The following TBC1D1 variants were observed in gnomAD, a reference collection of about 807,000 sequenced individuals.
TBC1D1 encodes TBC1 (tre-2/USP6, BUB2, cdc16) domain family, member 1.
Under a neutral mutation model 125.6 loss-of-function variants are expected in TBC1D1, and 89 were observed. The observed-to-expected ratio is 0.71, with a 90% confidence interval of 0.60 to 0.85. The LOEUF is 0.85. TBC1D1 is among the 40% of genes least tolerant of loss of function. The pLI is 0.00. For synonymous variants in TBC1D1, 565 were observed against 564.1 expected (o/e 1.00, Z -0.02); for missense variants, 1,377 against 1,469.2 (o/e 0.94, Z 1.03).
intron 15 of TBC1D1, among the ~76,000 whole-genome samples, chr4:38,103,527 G>T (rs1291150617): frequency 6.6e-6 from 1 of 152,160 alleles, no homozygotes; most frequent in African/African-American, 2.4e-5. Context: ...TTAATTACAG[G>T]AGCCACTCCC....
chr4:38,027,948 T>TA, intron 7 of TBC1D1, 69 bp downstream of exon 7: 1 of 1,223,018 alleles, frequency 8.2e-7, no homozygotes, highest in Non-Finnish European at 1.2e-6. Context: ...ATGCTATGTG[T>TA]AAAAAATAGC....
chr4:38,124,225 T>C (rs1047183255), intron 17 of TBC1D1, among the ~76,000 whole-genome samples: 1 of 152,224 alleles, frequency 6.6e-6, no homozygotes, highest in Non-Finnish European at 1.5e-5. Context: ...GACTCTTTTT[T>C]TCCCCAGCAG....
At chr4:37,919,387 T>A (rs538847252) in intron 2 of TBC1D1, among the ~76,000 whole-genome samples, 1 of 151,406 alleles carries the variant, frequency 6.6e-6, no homozygotes, top group East Asian at 1.9e-4. Flanking sequence ...GGTTTCACTG[T>A]GTTGGGTAGG....
Position 38,044,461 on chromosome 4 carries a change from A to G in TBC1D1, c.1513A>G (p.Thr505Ala), listed in dbSNP as rs1749021524. The G allele has an allele frequency of 6.2e-7, 1 of 1,612,904 alleles. No homozygotes were observed. The highest frequency in any genetic ancestry group is 8.5e-7 in the Non-Finnish European group (1 of 1,179,796). ...GAAAAACAAAGCAAAGAGATCTTTA[A>G]CAGAGTCTTTAGAAAGTATTTTGTC... The change falls in exon 9 of 20, where the codon ACA becomes GCA. Residue 505 changes from threonine to alanine, a missense_variant. Thr to Ala is a moderately conservative substitution (Grantham distance 58). Around this residue, in one of 3 missense-constraint regions of TBC1D1, gnomAD observed 822 missense variants for 824.6 expected, o/e 1.00. Transcript: ENST00000261439.
Position 38,088,540 on chromosome 4 carries a change from A to C in TBC1D1, c.2051-1392A>C, listed in dbSNP as rs150049950. Among the ~76,000 whole-genome samples, 34 of 152,346 alleles carry C rather than the reference A, an allele frequency of 2.2e-4. No homozygotes were observed. The East Asian group carries it at 6.4e-3, about 28-fold the overall frequency. ...GTGGTGACCAAAACCCTTGTCAACA[A>C]GGCAGCAAGGTTCTAACCTGGTTAG... On this transcript the variant is annotated intron_variant, in intron 12 of 19. Transcript: ENST00000261439.
intron 2 of TBC1D1, among the ~76,000 whole-genome samples, chr4:37,954,590 C>T (rs1728533419): frequency 6.6e-6 from 1 of 152,056 alleles, no homozygotes; most frequent in South Asian, 2.1e-4. Context: ...TCTTGGAAGT[C>T]ATGTCAAGAA....
At chr4:38,061,289 A>C (rs540078252) in intron 12 of TBC1D1, among the ~76,000 whole-genome samples, 1 of 152,226 alleles carries the variant, frequency 6.6e-6, no homozygotes, top group South Asian at 2.1e-4. Flanking sequence ...TGTCAAGCCT[A>C]CAAAAAAAAA....
chr4:38,096,187 C>T, intron 14 of TBC1D1, 97 bp downstream of exon 16: 1 of 958,040 alleles, frequency 1.0e-6, no homozygotes, highest in Admixed American at 2.3e-5. Flanking sequence ...ATTTTAGTGG[C>T]CATCTCCCTT....
At position 37,900,790 on chromosome 4, in the gene TBC1D1, G is replaced by C. The variant is rs146447251; in HGVS notation, c.-93-1213G>C. On this transcript the variant is annotated intron_variant, in intron 1 of 19. Coordinates refer to ENST00000261439, the MANE Select transcript of TBC1D1 (RefSeq NM_015173.4). Reference sequence around the variant, plus strand: ...AACGTGGTTGTTGAAAACAGAAAAGGGCTGGGCACTGTGGCTCATGCCTAT... The same window carrying C: ...AACGTGGTTGTTGAAAACAGAAAAGCGCTGGGCACTGTGGCTCATGCCTAT... Among the ~76,000 whole-genome samples the C allele has an allele frequency of 4.7e-3, 709 of 152,296 alleles. 1 individual carries two copies. The highest frequency in any genetic ancestry group is 0.016 in the African/African-American group (666 of 41,564).
At chr4:38,017,425 T>C (rs770211000) in intron 3 of TBC1D1, among the ~76,000 whole-genome samples, 3 of 152,232 alleles carry the variant, frequency 2.0e-5, no homozygotes, top group Non-Finnish European at 4.4e-5. Context: ...CCTGCCACTC[T>C]CTGCTGGCTG....
chr4:38,060,798 A>G, intron 12 of TBC1D1: 1 of 449,094 alleles, frequency 2.2e-6, no homozygotes, highest in Non-Finnish European at 3.8e-6. Flanking sequence ...TCTTGTTAAA[A>G]GGCAGACTCT....
chr4:38,122,736 T>C (rs1195402861), intron 17 of TBC1D1, among the ~76,000 whole-genome samples: 1 of 152,206 alleles, frequency 6.6e-6, no homozygotes, highest in African/African-American at 2.4e-5. Context: ...TAAGTTAAAG[T>C]AGAAGACACC....
At chr4:37,905,350 G>C (rs1717088918) in intron 2 of TBC1D1, among the ~76,000 whole-genome samples, 2 of 152,138 alleles carry the variant, frequency 1.3e-5, no homozygotes, top group South Asian at 4.2e-4. Context: ...AAGAACTGAG[G>C]GTCCTGGGAA....
At chr4:38,040,252 G>A (rs1748088379) in intron 8 of TBC1D1, among the ~76,000 whole-genome samples, 1 of 152,078 alleles carries the variant, frequency 6.6e-6, no homozygotes, top group Admixed American at 6.6e-5. Context: ...AACTGATGCT[G>A]CTTGCTTTAG....
chr4:38,052,188 T>C (rs868713243), intron 11 of TBC1D1, 128 bp downstream of exon 12: 28 of 603,346 alleles, frequency 4.6e-5, no homozygotes, highest in Non-Finnish European at 6.1e-5. Flanking sequence ...TGTGTGTGTG[T>C]GTGTGTGCGC....
chr4:37,960,657 G>A, intron 2 of TBC1D1: 1 of 1,614,210 alleles, frequency 6.2e-7, no homozygotes, highest in Non-Finnish European at 8.5e-7. Flanking sequence ...AGAAAAGTCA[G>A]TAAAGACCAA....
intron 2 of TBC1D1, among the ~76,000 whole-genome samples, chr4:38,010,695 G>A (rs1698431878): frequency 6.6e-6 from 1 of 152,156 alleles, no homozygotes. Context: ...CCCTATCCAG[G>A]TCACCACCAA....
chr4:38,012,272 G>T (rs893210524), intron 2 of TBC1D1, among the ~76,000 whole-genome samples: 4 of 152,178 alleles, frequency 2.6e-5, no homozygotes, highest in Middle Eastern at 3.4e-3. Context: ...AGTAACTATG[G>T]CTTTTTGTTG....
intron 17 of TBC1D1, among the ~76,000 whole-genome samples, chr4:38,122,768 G>A (rs1242845778): frequency 6.6e-6 from 1 of 152,150 alleles, no homozygotes; most frequent in African/African-American, 2.4e-5. Context: ...TTCTCTTAAG[G>A]TGTTGTGAAT....
Sources: allele counts gnomAD v4.1 joint callset (sites outside exome capture counted in the v4.1 genomes callset), GRCh38; gene constraint gnomAD v4.1.1; regional missense constraint gnomAD v4.1.1; transcripts MANE v1.5; gene names NCBI Gene and HGNC (gene_info 2026-07-23, HGNC 2026-07-21).